CD74: variants seen among roughly 807,000 people sequenced by gnomAD.
CD74 encodes the protein CD74 molecule.
CD74 carries 20 observed loss-of-function variants against 37.1 expected under a neutral mutation model. That is an observed-to-expected ratio of 0.54 (90% CI 0.38 to 0.78). The LOEUF (loss-of-function observed/expected upper bound fraction) is 0.78. Ranked by LOEUF, CD74 falls within the 30% of genes least tolerant of loss-of-function variation. The pLI is 0.00. For synonymous variants in CD74, 150 were observed against 152.0 expected (o/e 0.99, Z 0.10); for missense variants, 338 against 389.5 (o/e 0.87, Z 1.11).
At position 150,409,710 on chromosome 5, in the gene CD74, A is replaced by C. The variant is rs564214007; in HGVS notation, c.126-2386T>G. On this transcript the variant is annotated intron_variant, in intron 1 of 8. Coordinates refer to ENST00000009530, the MANE Select transcript of CD74 (RefSeq NM_001025159.3). Reference sequence around the variant, plus strand: ...TCTGTCTCAAAAAACATAACAAAAAAAAAAAAAAAAAACAAGAAAGCCCCT... The same window carrying C: ...TCTGTCTCAAAAAACATAACAAAAACAAAAAAAAAAAACAAGAAAGCCCCT... Among the ~76,000 whole-genome samples, 745 of 150,128 alleles carry C rather than the reference A, an allele frequency of 5.0e-3. 6 individuals are homozygous for C. The highest frequency in any genetic ancestry group is 0.017 in the African/African-American group (694 of 41,048).
At chr5:150,412,565 C>T in intron 1 of CD74, 60 bp downstream of exon 1, 2 of 1,284,922 alleles carry the variant, frequency 1.6e-6, no homozygotes, top group Non-Finnish European at 2.2e-6. Context: ...TTCTTCCCAG[C>T]ACATGCGCAC....
intron 1 of CD74, among the ~76,000 whole-genome samples, chr5:150,408,618 C>T (rs1258027293): frequency 6.6e-6 from 1 of 152,164 alleles, no homozygotes; most frequent in Non-Finnish European, 1.5e-5. Flanking sequence ...ACCCTCGGAC[C>T]TCAGCAAGCC....
rs778268068 is a variant in CD74, at chr5:150,404,723, G to A, written c.582C>T (p.Ser194=). 1.9e-6 allele frequency: 3 copies of A among 1,588,738 alleles called. No individual in the cohort carries two copies. The highest frequency in any genetic ancestry group is 1.3e-5 in the African/African-American group (1 of 74,460). The change falls in exon 6 of 9, where the codon AGC becomes AGT. Residue 194 remains serine (S), a synonymous_variant. Coordinates refer to ENST00000009530, the MANE Select transcript of CD74 (RefSeq NM_001025159.3). ...TGGGCTTTTGCTCCAAGGAGTGCCT[G>A]CTCATTTCAAACAGGAGCCAATGGT... ...WMHHWLLFEM[S]RHSLEQKPTD...
intron 1 of CD74, among the ~76,000 whole-genome samples, chr5:150,409,704 CAAAA>C (rs755621804): frequency 1.5e-4 from 13 of 89,554 alleles, no homozygotes; most frequent in African/African-American, 4.8e-4. Flanking sequence ...AAAAACATAA[CAAAA>C]AAAAAAAAAA....
intron 1 of CD74, among the ~76,000 whole-genome samples, chr5:150,412,211 C>G (rs540534263): frequency 3.5e-4 from 54 of 152,188 alleles, no homozygotes; most frequent in Middle Eastern, 3.2e-3. Context: ...CTGATCTGCC[C>G]GCCTCAGCCT....
At chr5:150,406,440 T>C in intron 3 of CD74, 119 bp from the exon 4 acceptor site, 1 of 778,126 alleles carries the variant, frequency 1.3e-6, no homozygotes, top group East Asian at 2.5e-5. Context: ...TGGTCAATGG[T>C]TCCATCTCTG....
At chr5:150,412,180 G>C (rs1770380211) in intron 1 of CD74, among the ~76,000 whole-genome samples, 1 of 152,178 alleles carries the variant, frequency 6.6e-6, no homozygotes, top group African/African-American at 2.4e-5. Context: ...GGCCAGGCTG[G>C]TCTCGAACTC....
intron 5 of CD74, 30 bp from the exon 6 acceptor site, chr5:150,404,797 C>A: frequency 7.1e-7 from 1 of 1,412,132 alleles, no homozygotes; most frequent in Non-Finnish European, 9.8e-7. Context: ...AGGTCAGGTT[C>A]GATGGCCACC....
At chr5:150,405,063 C>T in intron 5 of CD74, 22 bp downstream of exon 5, 1 of 1,603,958 alleles carries the variant, frequency 6.2e-7, no homozygotes, top group Non-Finnish European at 8.5e-7. Context: ...GAGAGAGTTC[C>T]CATGCAGGGA....
intron 1 of CD74, among the ~76,000 whole-genome samples, chr5:150,410,762 T>C (rs1770297985): frequency 6.6e-6 from 1 of 151,026 alleles, no homozygotes; most frequent in African/African-American, 2.4e-5. Flanking sequence ...GGCAGAAGCA[T>C]TCACAAAAGC....
At position 150,407,473 on chromosome 5, in the gene CD74, A is replaced by G; in HGVS notation, c.126-149T>C. On this transcript the variant is annotated intron_variant, in intron 1 of 8. Coordinates refer to ENST00000009530, the MANE Select transcript of CD74 (RefSeq NM_001025159.3). This position sits in a 1 kb window ranked among gnomAD's most constrained non-coding sequence, Gnocchi z 4.4. ...CAATGCATTTGAAGCACAAACAGTA[A>G]GCTGGCTATGGAAACACAGCTTGAA... The G allele has an allele frequency of 1.6e-6, 1 of 634,472 alleles. No homozygotes were observed. The highest frequency in any genetic ancestry group is 2.7e-6 in the Non-Finnish European group (1 of 372,530). The allele number at this position is 634,472 out of a possible 1,614,324, so 39.3% of individuals were successfully genotyped here.
chr5:150,407,740 T>TTTTTG lies in CD74; in HGVS notation c.126-421_126-417dup, dbSNP rs200637098. On this transcript the variant is annotated intron_variant, in intron 1 of 8. Transcript: ENST00000009530. The surrounding 1 kb of genome is among the most constrained non-coding windows in gnomAD (Gnocchi z 4.4). The stretch of plus-strand genomic sequence containing the variant: ...CTGCCCTCAAGGGGAACAGGTTTGG[T>TTTTTG]TTTTGTTTTGTTTTGTTTTGTTTTG... Among the ~76,000 whole-genome samples the TTTTTG allele has an allele frequency of 0.091, 13,814 of 151,464 alleles. 733 individuals are homozygous for TTTTTG. The highest frequency in any genetic ancestry group is 0.13 in the African/African-American group (5,462 of 41,182).
rs1355622360 is a variant in CD74 at position 150,403,065 on chromosome 5, C to T, written c.817+56G>A. The T allele has an allele frequency of 3.3e-6, 5 of 1,504,036 alleles. No individual in the cohort carries two copies. The highest frequency in any genetic ancestry group is 3.9e-5 in the Admixed American group (2 of 51,348). The allele number at this position is 1,504,036 out of a possible 1,614,324, so 93.2% of individuals were successfully genotyped here. A position where few individuals can be genotyped will look rare whatever the true frequency, so the allele number is the denominator to read the frequency against. ...GTGCTTCAGAGGGGACCTCTTGCCC[C>T]TCAACCTTCCTAGTCCTTCCTGGTC... is the stretch of plus-strand genomic sequence containing the variant. On this transcript the variant is annotated intron_variant, in intron 7 of 8. Coordinates refer to ENST00000009530, the MANE Select transcript of CD74 (RefSeq NM_001025159.3). The surrounding 1 kb of genome is among the most constrained non-coding windows in gnomAD (Gnocchi z 4.5).
chr5:150,412,151 G>C (rs1561556903), intron 1 of CD74, among the ~76,000 whole-genome samples: 1 of 152,314 alleles, frequency 6.6e-6, no homozygotes, highest in African/African-American at 2.4e-5. Flanking sequence ...TTTTAGTAGA[G>C]ATGGGGTTTC....
At chr5:150,408,111 C>CA (rs545926702) in intron 1 of CD74, among the ~76,000 whole-genome samples, 22 of 151,138 alleles carry the variant, frequency 1.5e-4, no homozygotes, top group African/African-American at 4.4e-4. Flanking sequence ...TTGACAAAAC[C>CA]AAAAAAAATT....
At position 150,411,044 on chromosome 5, in the gene CD74, A is replaced by G. The variant is rs75021543; in HGVS notation, c.125+1581T>C. Among the ~76,000 whole-genome samples, 393 of 152,252 alleles carry G rather than the reference A, an allele frequency of 2.6e-3. 19 individuals are homozygous for G. The East Asian group carries it at 0.072, about 28-fold the overall frequency. Reference sequence around the variant, plus strand: ...AGTCCTGGTTCAAATTCTGCCTCCAACCACTCACTAGCTATGATTACTTGG... The same window carrying G: ...AGTCCTGGTTCAAATTCTGCCTCCAGCCACTCACTAGCTATGATTACTTGG... On this transcript the variant is annotated intron_variant, in intron 1 of 8. Transcript: ENST00000009530.
At chr5:150,412,122 A>G (rs1770375800) in intron 1 of CD74, among the ~76,000 whole-genome samples, 1 of 152,194 alleles carries the variant, frequency 6.6e-6, no homozygotes, top group South Asian at 2.1e-4. Flanking sequence ...ACACCACCAC[A>G]TCTGGCTAAT....
At chr5:150,406,127 C>T in intron 4 of CD74, 132 bp downstream of exon 4, 1 of 745,408 alleles carries the variant, frequency 1.3e-6, no homozygotes, top group Non-Finnish European at 2.4e-6. Flanking sequence ...TTAAGGGTCA[C>T]CCTTGTATTC....
In CD74 at chr5:150,401,904, C is replaced by A. The variant is rs1167087461; in HGVS notation, c.*336G>T. 1.2e-5 allele frequency: 9 copies of A among 762,936 alleles called. 1 individual carries two copies. The highest frequency in any genetic ancestry group is 4.4e-4 in the Middle Eastern group (2 of 4,510). The allele number at this position is 762,936 out of a possible 1,614,324, so 47.3% of individuals were successfully genotyped here. A position where few individuals can be genotyped will look rare whatever the true frequency, so the allele number is the denominator to read the frequency against. ...CTGGGTGTAGGGTTATCCCTTCTCC[C>A]TGTGCCTTCCCATCTCGTCCATGAG... On this transcript the variant is annotated 3_prime_UTR_variant, in exon 9 of 9. Coordinates refer to ENST00000009530, the MANE Select transcript of CD74 (RefSeq NM_001025159.3).
Sources: gnomAD v4.1 joint callset for allele counts (sites outside exome capture counted in the v4.1 genomes callset) on GRCh38, gnomAD v4.1.1 for gene constraint, Gnocchi (gnomAD v3.1) non-coding constraint, MANE v1.5 for transcripts, NCBI Gene and HGNC (gene_info 2026-07-23, HGNC 2026-07-21) for gene names.